UNC5D: variants seen among roughly 807,000 people sequenced by gnomAD.
The protein encoded by UNC5D is netrin receptor UNC5D.
In UNC5D, 39 loss-of-function variants were observed where a neutral mutation model predicts 105.4. The ratio of observed to expected loss-of-function variants is 0.37; its 90% CI spans 0.29 to 0.48. UNC5D has a LOEUF of 0.48. Among genes scored for constraint, UNC5D ranks in the 20% least tolerant of loss-of-function variants. The pLI is 0.98. For missense variants in UNC5D, 991 were observed against 1,202.4 expected (o/e 0.82, Z 2.60); for synonymous variants, 452 against 450.4 (o/e 1.00, Z -0.04).
intron 1 of UNC5D, among the ~76,000 whole-genome samples, chr8:35,322,746 C>T (rs1809846039): frequency 6.6e-6 from 1 of 152,170 alleles, no homozygotes; most frequent in Non-Finnish European, 1.5e-5. Context: ...TAATGCTTCT[C>T]ATTTTTCCTA....
intron 10 of UNC5D, chr8:35,727,128 G>A (rs1033430744): frequency 2.0e-5 from 3 of 153,020 alleles, no homozygotes; most frequent in African/African-American, 7.2e-5. Flanking sequence ...AGCTGGAAGA[G>A]AGGAGATTTT....
chr8:35,647,520 A>G (rs1823130731), intron 4 of UNC5D, among the ~76,000 whole-genome samples: 1 of 152,108 alleles, frequency 6.6e-6, no homozygotes, highest in Non-Finnish European at 1.5e-5. Flanking sequence ...TTTAATGCAT[A>G]GTCTTCATGT....
chr8:35,370,663 A>G (rs960779473), intron 1 of UNC5D, among the ~76,000 whole-genome samples: 2 of 152,220 alleles, frequency 1.3e-5, no homozygotes, highest in Non-Finnish European at 2.9e-5. Flanking sequence ...ACTTTTAGGC[A>G]TGGAAATGAA....
At chr8:35,597,901 A>G (rs1248940764) in intron 4 of UNC5D, among the ~76,000 whole-genome samples, 1 of 152,140 alleles carries the variant, frequency 6.6e-6, no homozygotes, top group East Asian at 1.9e-4. Context: ...ACAAGATTCA[A>G]CATAATCTGG....
chr8:35,355,982 G>A (rs1801529137), intron 1 of UNC5D, among the ~76,000 whole-genome samples: 1 of 152,092 alleles, frequency 6.6e-6, no homozygotes, highest in Non-Finnish European at 1.5e-5. Flanking sequence ...GCTGTGGCAT[G>A]ACCTTAGCTC....
rs191332841 is a variant in UNC5D, at chr8:35,236,019, T to C, written c.103+132T>C. 3.2e-3 allele frequency: 2,573 copies of C among 810,470 alleles called. 51 individuals carry two copies. The African/African-American group carries it at 0.043, about 14-fold the overall frequency. 50.2% of individuals were successfully genotyped at this position (810,470 alleles called of 1,614,324 possible). ...CCTCGGCGCTCCAAGCCCAACCGGA[T>C]GGGAGCCGAGTGGAGGACTCCGAGG... On this transcript the variant is annotated intron_variant, in intron 1 of 16. Transcript: ENST00000404895.
chr8:35,398,275 C>G (rs1221525404), intron 1 of UNC5D, among the ~76,000 whole-genome samples: 1 of 152,100 alleles, frequency 6.6e-6, no homozygotes, highest in Non-Finnish European at 1.5e-5. Flanking sequence ...CCTTTCTTGA[C>G]CTCCTTCTTT....
chr8:35,767,465 T>C (rs1279666308), intron 15 of UNC5D, among the ~76,000 whole-genome samples: 2 of 152,190 alleles, frequency 1.3e-5, no homozygotes, highest in Non-Finnish European at 2.9e-5. Context: ...AGACTGTTTT[T>C]CTGCTGGTTC....
intron 4 of UNC5D, among the ~76,000 whole-genome samples, chr8:35,609,845 C>T (rs1820557757): frequency 6.6e-6 from 1 of 152,138 alleles, no homozygotes; most frequent in African/African-American, 2.4e-5. Flanking sequence ...GTGGGGCCCC[C>T]AGTGTATCAG....
rs537419047 is a variant in UNC5D at position 35,311,704 on chromosome 8, A to G, written c.103+75817A>G. Among the ~76,000 whole-genome samples, 80 of 152,258 alleles carry G rather than the reference A, an allele frequency of 5.3e-4. 1 individual carries two copies. Among genetic ancestry groups the G allele is most frequent in the African/African-American group, 1.8e-3 (75 of 41,550 alleles). Reference sequence around the variant, plus strand: ...TGCAGACTTTAAAATGCACTAAATCACATCCTCAGCAGCAACTTGCAAGGG... The same window carrying G: ...TGCAGACTTTAAAATGCACTAAATCGCATCCTCAGCAGCAACTTGCAAGGG... On this transcript the variant is annotated intron_variant, in intron 1 of 16. Coordinates refer to ENST00000404895, the MANE Select transcript of UNC5D (RefSeq NM_080872.4).
intron 1 of UNC5D, among the ~76,000 whole-genome samples, chr8:35,239,109 A>G (rs1281908988): frequency 6.6e-6 from 1 of 152,172 alleles, no homozygotes; most frequent in Non-Finnish European, 1.5e-5. Context: ...TAAGCATCTC[A>G]GTTTTTAATA....
At chr8:35,238,689 A>C (rs1802620172) in intron 1 of UNC5D, among the ~76,000 whole-genome samples, 1 of 152,172 alleles carries the variant, frequency 6.6e-6, no homozygotes, top group African/African-American at 2.4e-5. Context: ...GCAGAGAGGA[A>C]GATAATCTTA....
intron 1 of UNC5D, among the ~76,000 whole-genome samples, chr8:35,427,850 G>T (rs1191321188): frequency 2.0e-5 from 3 of 152,122 alleles, no homozygotes; most frequent in Non-Finnish European, 4.4e-5. Context: ...AAGCTTCTGG[G>T]ATATATTTCT....
At chr8:35,661,159 T>C (rs1267340971) in intron 4 of UNC5D, among the ~76,000 whole-genome samples, 1 of 152,010 alleles carries the variant, frequency 6.6e-6, no homozygotes, top group Non-Finnish European at 1.5e-5. Flanking sequence ...TCAGATTAAA[T>C]GCTGCAAGAA....
chr8:35,442,958 T>G (rs112247855), intron 1 of UNC5D, among the ~76,000 whole-genome samples: 4 of 149,878 alleles, frequency 2.7e-5, no homozygotes, highest in African/African-American at 9.8e-5. Flanking sequence ...CCACTGTGCT[T>G]AAGTATTTGA....
At chr8:35,703,865 A>T (rs1395826869) in intron 7 of UNC5D, among the ~76,000 whole-genome samples, 2 of 152,210 alleles carry the variant, frequency 1.3e-5, no homozygotes, top group Non-Finnish European at 2.9e-5. Flanking sequence ...GCTGTGCCCC[A>T]TGCCAAATGC....
In UNC5D at chr8:35,235,766, C is replaced by G; in HGVS notation, c.-19C>G. 8.1e-7 allele frequency: 1 copy of G among 1,229,506 alleles called. No individual in the cohort carries two copies. Among genetic ancestry groups the G allele is most frequent in the East Asian group, 3.2e-5 (1 of 31,430 alleles). The allele number at this position is 1,229,506 out of a possible 1,614,324, so 76.2% of individuals were successfully genotyped here. A position where few individuals can be genotyped will look rare whatever the true frequency, so the allele number is the denominator to read the frequency against. ...CCGGAGCGTGAAGAAGAGCCGCCCT[C>G]CGGAACGCGGCGAGGAGCATGGGGA... On this transcript the variant is annotated 5_prime_UTR_variant, in exon 1 of 17. Coordinates refer to ENST00000404895, the MANE Select transcript of UNC5D (RefSeq NM_080872.4).
At chr8:35,560,435 G>A (rs573814733) in intron 2 of UNC5D, among the ~76,000 whole-genome samples, 1 of 152,298 alleles carries the variant, frequency 6.6e-6, no homozygotes, top group South Asian at 2.1e-4. Context: ...ATACACTCAT[G>A]TACTATTACA....
At chr8:35,691,938 A>T (rs1826428358) in intron 7 of UNC5D, among the ~76,000 whole-genome samples, 2 of 152,198 alleles carry the variant, frequency 1.3e-5, no homozygotes, top group Non-Finnish European at 2.9e-5. Flanking sequence ...TTAAATGGGT[A>T]TGCTTCAGAA....
Sources: gnomAD v4.1 joint callset for allele counts (sites outside exome capture counted in the v4.1 genomes callset) on GRCh38, gnomAD v4.1.1 for gene constraint, MANE v1.5 for transcripts, NCBI Gene and HGNC (gene_info 2026-07-23, HGNC 2026-07-21) for gene names.